The following VDAC1 variants were observed in gnomAD, a reference collection of about 807,000 sequenced individuals.
VDAC1 encodes the protein non-selective voltage-gated ion channel VDAC1.
In VDAC1, 10 loss-of-function variants were observed where a neutral mutation model predicts 34.7. That is an observed-to-expected ratio of 0.29 (90% CI 0.18 to 0.49). VDAC1 has a LOEUF of 0.49. VDAC1 is among the 20% of genes least tolerant of loss of function. The probability of loss-of-function intolerance (pLI) is 0.99; values close to 1 mark genes in which losing one functional copy is unlikely to be tolerated. For missense variants in VDAC1, 230 were observed against 347.9 expected, an observed-to-expected ratio of 0.66 and a Z score of 2.69; for synonymous variants, 130 against 136.0, an observed-to-expected ratio of 0.96 and a Z score of 0.30.
chr5:133,990,424 C>T (rs1753063167), intron 5 of VDAC1, among the ~76,000 whole-genome samples: 1 of 152,234 alleles, frequency 6.6e-6, no homozygotes, highest in Non-Finnish European at 1.5e-5. Context: ...TATTACTGAA[C>T]AGAAATCCTG....
the VDAC1 span, among the ~76,000 whole-genome samples, chr5:134,090,775 T>C: frequency 6.6e-6 from 1 of 152,234 alleles, no homozygotes; most frequent in African/African-American, 2.4e-5. Context: ...AACCTTCTAC[T>C]TCCTTCAGGC....
the VDAC1 span, among the ~76,000 whole-genome samples, chr5:134,042,250 T>C: frequency 5.8e-3 from 878 of 152,276 alleles, 10 homozygotes; most frequent in African/African-American, 0.02. Flanking sequence ...CACTGTGGGC[T>C]TGGGGGGGAC....
the VDAC1 span, among the ~76,000 whole-genome samples, chr5:134,046,616 G>A: frequency 6.6e-6 from 1 of 152,220 alleles, no homozygotes; most frequent in African/African-American, 2.4e-5. Context: ...ACCAGAAATG[G>A]AGGAAAATGC....
At chr5:134,055,379 G>C in the VDAC1 span, among the ~76,000 whole-genome samples, 1 of 152,064 alleles carries the variant, frequency 6.6e-6, no homozygotes, top group Non-Finnish European at 1.5e-5. Context: ...ATGCATTCTG[G>C]TCCTCGTGAC....
intron 1 of VDAC1, among the ~76,000 whole-genome samples, chr5:134,002,705 G>A (rs1379359328): frequency 2.0e-5 from 3 of 152,162 alleles, no homozygotes; most frequent in Admixed American, 6.5e-5. Context: ...TGGCTCACGC[G>A]TGTAATCCCA....
intron 3 of VDAC1, 114 bp from the exon 4 acceptor site, chr5:133,991,268 G>A (rs963517629): frequency 2.3e-6 from 3 of 1,331,892 alleles, no homozygotes; most frequent in South Asian, 2.7e-5. Flanking sequence ...AATGTGGGGG[G>A]GCCAAGGCTA....
the VDAC1 span, among the ~76,000 whole-genome samples, chr5:134,025,552 C>T: frequency 3.9e-5 from 6 of 152,144 alleles, no homozygotes; most frequent in Admixed American, 1.3e-4. Context: ...CAGTAGGATT[C>T]AGTGATGGAG....
the VDAC1 span, among the ~76,000 whole-genome samples, chr5:134,042,328 G>A: frequency 3.9e-5 from 6 of 152,098 alleles, no homozygotes; most frequent in African/African-American, 9.7e-5. Flanking sequence ...GGAGGAGTGT[G>A]GGGACACCCT....
At chr5:134,106,556 C>T in the VDAC1 span, among the ~76,000 whole-genome samples, 237 of 152,020 alleles carry the variant, frequency 1.6e-3, 1 homozygote, top group Middle Eastern at 6.8e-3. Context: ...TACAGGTGCG[C>T]GCCTCCACAC....
chr5:134,059,534 G>A, the VDAC1 span, among the ~76,000 whole-genome samples: 2 of 152,080 alleles, frequency 1.3e-5, no homozygotes, highest in Non-Finnish European at 2.9e-5. Flanking sequence ...CATAGGGCCA[G>A]GAAGCTAGAA....
At chr5:134,093,394 G>A in the VDAC1 span, among the ~76,000 whole-genome samples, 1 of 152,162 alleles carries the variant, frequency 6.6e-6, no homozygotes, top group Non-Finnish European at 1.5e-5. Context: ...CCCAGGTTGT[G>A]TTCCTTTAGA....
At chr5:133,973,755 G>A (rs1430166984) in intron 8 of VDAC1, 36 bp downstream of exon 8, 1 of 1,597,472 alleles carries the variant, frequency 6.3e-7, no homozygotes, top group Admixed American at 1.8e-5. Context: ...ATTTTTTTAA[G>A]ATAAAGAACC....
chr5:134,032,144 A>AAAAAAAAAAAAAAAAAAAAAAAAAT, the VDAC1 span, among the ~76,000 whole-genome samples: 1 of 146,230 alleles, frequency 6.8e-6, no homozygotes, highest in Non-Finnish European at 1.5e-5. Flanking sequence ...AAAAAAAAAA[A>AAAAAAAAAAAAAAAAAAAAAAAAAT]GCTACTCTGC....
At chr5:134,004,462 C>T in intron 1 of VDAC1, 1 of 152,380 alleles carries the variant, frequency 6.6e-6, no homozygotes, top group Non-Finnish European at 1.5e-5. Context: ...CCCGCCTGTG[C>T]GGCCTTCTCT....
chr5:134,092,945 A>C, the VDAC1 span, among the ~76,000 whole-genome samples: 1 of 152,232 alleles, frequency 6.6e-6, no homozygotes, highest in Non-Finnish European at 1.5e-5. Context: ...GGTGGTTCAC[A>C]GCTTTGACCA....
the VDAC1 span, among the ~76,000 whole-genome samples, chr5:134,052,453 C>A: frequency 1.1e-3 from 162 of 152,166 alleles, no homozygotes; most frequent in Admixed American, 2.0e-3. Context: ...GCTACCACGC[C>A]TGGCTAATTT....
chr5:134,090,793 T>C, the VDAC1 span, among the ~76,000 whole-genome samples: 2 of 152,228 alleles, frequency 1.3e-5, no homozygotes, highest in African/African-American at 4.8e-5. Context: ...GGCTTTGATC[T>C]CCATGCAACC....
the VDAC1 span, among the ~76,000 whole-genome samples, chr5:134,020,727 A>G: frequency 6.6e-6 from 1 of 151,944 alleles, no homozygotes; most frequent in African/African-American, 2.4e-5. Flanking sequence ...CCCAGGCTGG[A>G]GTGCAGTGGC....
At chr5:134,071,903 C>G in the VDAC1 span, among the ~76,000 whole-genome samples, 1 of 152,146 alleles carries the variant, frequency 6.6e-6, no homozygotes, top group African/African-American at 2.4e-5. This position sits in a 1 kb window ranked among gnomAD's most constrained non-coding sequence, Gnocchi z 4.1. Context: ...AGTCTCCCCT[C>G]TCTGTACATG....
Sources: gnomAD v4.1 joint callset for allele counts (sites outside exome capture counted in the v4.1 genomes callset) on GRCh38, gnomAD v4.1.1 for gene constraint, Gnocchi (gnomAD v3.1) non-coding constraint, MANE v1.5 for transcripts, NCBI Gene and HGNC (gene_info 2026-07-23, HGNC 2026-07-21) for gene names.